The following WWOX variants were observed in gnomAD, a reference collection of about 807,000 sequenced individuals.
WWOX encodes the protein WW domain containing oxidoreductase, also known as WW domain-containing oxidoreductase.
WWOX carries 69 observed loss-of-function variants against 46.2 expected under a neutral mutation model. The observed-to-expected ratio is 1.49, with a 90% CI of 1.23 to 1.82. The LOEUF is 1.82. Ranked by LOEUF, WWOX falls within the 40% of genes most tolerant of loss-of-function variation. The pLI is 0.00. For synonymous variants in WWOX, 359 were observed against 202.6 expected, an observed-to-expected ratio of 1.77 and a Z score of -6.56; for missense variants, 919 against 542.6, an observed-to-expected ratio of 1.69 and a Z score of -6.89.
At chr16:79,154,326 T>C (rs185471289) in intron 8 of WWOX, among the ~76,000 whole-genome samples, 31 of 152,338 alleles carry the variant, frequency 2.0e-4, no homozygotes, top group Non-Finnish European at 3.8e-4. Context: ...AGTTTCCTTT[T>C]CTGAAGATTG....
At chr16:78,849,571 C>G (rs113856791) in intron 8 of WWOX, among the ~76,000 whole-genome samples, 7,213 of 50,720 alleles carry the variant, frequency 0.14, 288 homozygotes, top group Non-Finnish European at 0.22. Context: ...CTGAATCCCT[C>G]TCAAAAAAAA....
intron 8 of WWOX, among the ~76,000 whole-genome samples, chr16:78,451,120 T>A (rs1269203348): frequency 6.6e-6 from 1 of 152,236 alleles, no homozygotes; most frequent in Non-Finnish European, 1.5e-5. Context: ...CTAAAGGCTC[T>A]GTTGGGTTCT....
intron 8 of WWOX, among the ~76,000 whole-genome samples, chr16:79,087,896 T>A (rs1384032034): frequency 1.3e-5 from 2 of 152,098 alleles, no homozygotes; most frequent in African/African-American, 4.8e-5. Context: ...TGTGGAAGGA[T>A]GTTCTGGACT....
At chr16:78,155,305 A>T (rs537554490) in intron 4 of WWOX, among the ~76,000 whole-genome samples, 147 of 152,076 alleles carry the variant, frequency 9.7e-4, no homozygotes, top group African/African-American at 3.4e-3. Flanking sequence ...GGAAGAAAGT[A>T]TGGGCCACAC....
chr16:78,413,703 A>AT (rs1312444479), intron 6 of WWOX, among the ~76,000 whole-genome samples: 1 of 151,784 alleles, frequency 6.6e-6, no homozygotes, highest in Non-Finnish European at 1.5e-5. Flanking sequence ...GAGGCCTGAC[A>AT]CTGATTTGTT....
chr16:79,019,860 G>C (rs754351998), intron 8 of WWOX, among the ~76,000 whole-genome samples: 2 of 152,214 alleles, frequency 1.3e-5, no homozygotes, highest in Non-Finnish European at 2.9e-5. Context: ...TTTCAGGCTA[G>C]TTAAGCAACC....
chr16:78,176,733 C>T (rs73568304), intron 5 of WWOX, among the ~76,000 whole-genome samples: 1,767 of 152,190 alleles, frequency 0.012, 32 homozygotes, highest in African/African-American at 0.041. Flanking sequence ...ACTTGGAATG[C>T]GTAGCCAGGA....
At chr16:78,449,333 T>C (rs567807392) in intron 8 of WWOX, among the ~76,000 whole-genome samples, 2 of 152,322 alleles carry the variant, frequency 1.3e-5, no homozygotes, top group Admixed American at 1.3e-4. Context: ...TGCCATATTC[T>C]TTTTGTTAGA....
At chr16:78,863,988 C>A (rs976894965) in intron 8 of WWOX, among the ~76,000 whole-genome samples, 1 of 152,128 alleles carries the variant, frequency 6.6e-6, no homozygotes, top group Non-Finnish European at 1.5e-5. Context: ...TATTTTTCTC[C>A]TTTCATCTGT....
intron 4 of WWOX, among the ~76,000 whole-genome samples, chr16:78,139,929 G>C (rs1391931394): frequency 2.0e-5 from 3 of 152,152 alleles, no homozygotes; most frequent in Non-Finnish European, 4.4e-5. Context: ...GGAATAAAGG[G>C]CATTTATCCA....
chr16:79,109,347 G>T (rs963394676), intron 8 of WWOX, among the ~76,000 whole-genome samples: 3 of 152,100 alleles, frequency 2.0e-5, no homozygotes, highest in African/African-American at 7.2e-5. Flanking sequence ...ATTTAACAAA[G>T]ACTACCTCCA....
At chr16:79,072,139 A>G (rs2048562843) in intron 8 of WWOX, among the ~76,000 whole-genome samples, 2 of 152,110 alleles carry the variant, frequency 1.3e-5, no homozygotes, top group South Asian at 4.1e-4. Flanking sequence ...AAAATAAATT[A>G]GTTAGGCATG....
chr16:79,173,289 G>GTGCCATA lies in WWOX; in HGVS notation c.1057-38313_1057-38312insATGCCAT, dbSNP rs1414798317. ...CAGGAAGGGAACCCTGCATGTCCAT[G>GTGCCATA]TGCCATGTGCCATGTGCCATCTTAG... On this transcript the variant is annotated intron_variant, in intron 8 of 8. Coordinates refer to ENST00000566780, the MANE Select transcript of WWOX (RefSeq NM_016373.4). 2.0e-5 allele frequency among the ~76,000 whole-genome samples: 3 copies of GTGCCATA among 151,896 alleles called. No individual in the cohort carries two copies. In the East Asian group the frequency reaches 5.8e-4, roughly 29 times the overall value.
intron 8 of WWOX, among the ~76,000 whole-genome samples, chr16:78,696,269 C>G (rs138976112): frequency 3.7e-4 from 56 of 152,252 alleles, no homozygotes; most frequent in Non-Finnish European, 6.3e-4. Flanking sequence ...TGCCACATCA[C>G]GGGATTTTCT....
chr16:79,109,228 G>A (rs866920304), intron 8 of WWOX, among the ~76,000 whole-genome samples: 3 of 152,104 alleles, frequency 2.0e-5, no homozygotes, highest in Non-Finnish European at 2.9e-5. Context: ...CCCTTTTGCC[G>A]CTGTCCTCCT....
intron 8 of WWOX, among the ~76,000 whole-genome samples, chr16:78,698,110 T>C (rs948453196): frequency 6.6e-6 from 1 of 152,220 alleles, no homozygotes; most frequent in Non-Finnish European, 1.5e-5. Flanking sequence ...TTTTCAACTC[T>C]CTCATTGGCA....
intron 4 of WWOX, among the ~76,000 whole-genome samples, chr16:78,119,441 C>T (rs1421311700): frequency 6.6e-6 from 1 of 152,116 alleles, no homozygotes; most frequent in African/African-American, 2.4e-5. Flanking sequence ...ACATGTTGCT[C>T]ATCAAAGGCA....
intron 8 of WWOX, among the ~76,000 whole-genome samples, chr16:79,152,727 G>T (rs1441414959): frequency 6.6e-6 from 1 of 152,056 alleles, no homozygotes; most frequent in African/African-American, 2.4e-5. Context: ...AAACAGAGTG[G>T]CCAGCAGTCA....
At chr16:78,867,002 C>G (rs761414992) in intron 8 of WWOX, among the ~76,000 whole-genome samples, 2 of 152,154 alleles carry the variant, frequency 1.3e-5, no homozygotes, top group Admixed American at 1.3e-4. Flanking sequence ...TTGTCATAAA[C>G]GCTCCTATTG....
Sources: allele counts gnomAD v4.1 joint callset (sites outside exome capture counted in the v4.1 genomes callset), GRCh38; gene constraint gnomAD v4.1.1; transcripts MANE v1.5; gene names NCBI Gene and HGNC (gene_info 2026-07-23, HGNC 2026-07-21).